Variants in BCL11A observed in about 807,000 individuals in gnomAD.
BCL11A encodes the protein B cell CLL/lymphoma 11A.
In BCL11A, 2 loss-of-function variants were observed where a neutral mutation model predicts 55.9. The ratio of observed to expected loss-of-function variants is 0.04; its 90% CI spans 0.01 to 0.11. BCL11A has a LOEUF of 0.11. Among genes scored for constraint, BCL11A ranks in the 10% least tolerant of loss-of-function variants. The pLI is 1.00. For synonymous variants in BCL11A, 465 were observed against 473.4 expected, an observed-to-expected ratio of 0.98 and a Z score of 0.23; for missense variants, 817 against 1,137.1, an observed-to-expected ratio of 0.72 and a Z score of 4.05.
chr2:60,455,963 C>A (rs1423278248), downstream of BCL11A, among the ~76,000 whole-genome samples: 1 of 152,044 alleles, frequency 6.6e-6, no homozygotes, highest in Non-Finnish European at 1.5e-5. Context: ...TCTCAAGGTA[C>A]CGCACGCCCA....
chr2:60,525,087 A>T (rs1669148808), intron 2 of BCL11A: 2 of 152,216 alleles, frequency 1.3e-5, no homozygotes, highest in Non-Finnish European at 2.9e-5. Context: ...AACTCCAGGG[A>T]CTCAGCATAT....
chr2:60,551,256 T>A (rs1670402364), intron 1 of BCL11A, among the ~76,000 whole-genome samples: 1 of 152,216 alleles, frequency 6.6e-6, no homozygotes, highest in African/African-American at 2.4e-5. Flanking sequence ...CCAGGCGCAG[T>A]CAGCGGGAGA....
downstream of BCL11A, chr2:60,452,383 C>A: frequency 1.9e-6 from 1 of 528,416 alleles, no homozygotes; most frequent in Non-Finnish European, 3.4e-6. Flanking sequence ...TTTGTTTTTA[C>A]TTTTTATTAA....
chr2:60,466,341 C>T (rs1390820227), intron 3 of BCL11A, among the ~76,000 whole-genome samples: 4 of 152,130 alleles, frequency 2.6e-5, no homozygotes, highest in African/African-American at 7.2e-5. Context: ...AAAGTGGCTC[C>T]GTTTCCACAG....
At chr2:60,490,111 T>G (rs530178639) in intron 2 of BCL11A, among the ~76,000 whole-genome samples, 1 of 152,294 alleles carries the variant, frequency 6.6e-6, no homozygotes, top group South Asian at 2.1e-4. Flanking sequence ...AACAGACCCA[T>G]GTGCTAGGCT....
chr2:60,454,093 A>C (rs1675834740), downstream of BCL11A, among the ~76,000 whole-genome samples: 2 of 152,168 alleles, frequency 1.3e-5, no homozygotes, highest in Admixed American at 1.3e-4. Flanking sequence ...AGGCTGAGTC[A>C]CTGGCCTCGT....
chr2:60,539,032 A>T (rs1298698329), intron 2 of BCL11A, among the ~76,000 whole-genome samples: 1 of 152,188 alleles, frequency 6.6e-6, no homozygotes, highest in Admixed American at 6.5e-5. Context: ...GAAGAAAAGG[A>T]TGATGTTTTC....
chr2:60,470,970 T>C (rs993988549), intron 2 of BCL11A, among the ~76,000 whole-genome samples: 28 of 152,206 alleles, frequency 1.8e-4, no homozygotes, highest in African/African-American at 6.5e-4. Flanking sequence ...ATCTCCTGAC[T>C]CCTGATCCAG....
chr2:60,552,123 TTG>T (rs1670436564), intron 1 of BCL11A, among the ~76,000 whole-genome samples: 1 of 149,998 alleles, frequency 6.7e-6, no homozygotes, highest in African/African-American at 2.5e-5. Context: ...AGATGAGAGA[TTG>T]TGAGATTTTT....
chr2:60,544,403 G>C (rs537517446), intron 2 of BCL11A: 1 of 152,280 alleles, frequency 6.6e-6, no homozygotes. Flanking sequence ...TGGGGGGTAG[G>C]GGAGATAAAA....
At chr2:60,455,715 A>G (rs908711627), downstream of BCL11A, among the ~76,000 whole-genome samples, 2 of 152,240 alleles carry the variant, frequency 1.3e-5, no homozygotes, top group African/African-American at 4.8e-5. Flanking sequence ...TAAAATGAAT[A>G]CTGTATATAA....
intron 3 of BCL11A, among the ~76,000 whole-genome samples, chr2:60,468,040 GGTGATGGTA>G (rs1461376602): frequency 2.7e-5 from 4 of 148,122 alleles, no homozygotes; most frequent in Non-Finnish European, 3.0e-5. Flanking sequence ...TGGTGATGGT[GGTGATGGTA>G]CTGGTGGTGA....
At chr2:60,491,326 T>C (rs906680938) in intron 2 of BCL11A, among the ~76,000 whole-genome samples, 3 of 152,198 alleles carry the variant, frequency 2.0e-5, no homozygotes, top group East Asian at 1.9e-4. Context: ...ACATGGACAC[T>C]TTTGGCCCCC....
intron 2 of BCL11A, among the ~76,000 whole-genome samples, chr2:60,517,566 G>A (rs771751086): frequency 6.6e-6 from 1 of 152,224 alleles, no homozygotes; most frequent in African/African-American, 2.4e-5. Context: ...AAGCATTCCA[G>A]CCATCACCGA....
rs552652181 is a variant in BCL11A at position 60,482,926 on chromosome 2, T to A, written c.386-14093A>T. On this transcript the variant is annotated intron_variant, in intron 2 of 3. Coordinates refer to ENST00000642384, the MANE Select transcript of BCL11A (RefSeq NM_022893.4). Reference sequence around the variant, plus strand: ...GCTGGAAGATCATTGATTGGCAGAGTCCCCACTGAAACAAATCTTTCTTTC... The same window carrying A: ...GCTGGAAGATCATTGATTGGCAGAGACCCCACTGAAACAAATCTTTCTTTC... Among the ~76,000 whole-genome samples the A allele has an allele frequency of 4.6e-5, 7 of 152,232 alleles. No individual in the cohort carries two copies. In the South Asian group the frequency reaches 1.5e-3, roughly 32 times the overall value.
At chr2:60,541,012 T>A (rs1348475521) in intron 2 of BCL11A, among the ~76,000 whole-genome samples, 1 of 151,966 alleles carries the variant, frequency 6.6e-6, no homozygotes, top group Non-Finnish European at 1.5e-5. Flanking sequence ...TTTTTTTGTT[T>A]TTTTAAGCTT....
At chr2:60,508,390 G>A (rs1044885820) in intron 2 of BCL11A, among the ~76,000 whole-genome samples, 2 of 152,182 alleles carry the variant, frequency 1.3e-5, no homozygotes, top group South Asian at 4.1e-4. Flanking sequence ...AGCAAGCACT[G>A]CAGCCGGGTC....
intron 2 of BCL11A, among the ~76,000 whole-genome samples, chr2:60,470,091 G>A (rs564282519): frequency 4.6e-5 from 7 of 152,016 alleles, no homozygotes; most frequent in Non-Finnish European, 7.4e-5. Flanking sequence ...ATTTCCTTTC[G>A]CAAGGAGCCT....
At chr2:60,490,119 G>C (rs1678537450) in intron 2 of BCL11A, among the ~76,000 whole-genome samples, 1 of 152,144 alleles carries the variant, frequency 6.6e-6, no homozygotes, top group African/African-American at 2.4e-5. Flanking sequence ...CATGTGCTAG[G>C]CTCCTACAAT....
Sources: gnomAD v4.1 joint callset for allele counts (sites outside exome capture counted in the v4.1 genomes callset) on GRCh38, gnomAD v4.1.1 for gene constraint, MANE v1.5 for transcripts, NCBI Gene and HGNC (gene_info 2026-07-23, HGNC 2026-07-21) for gene names.